The following OPCML variants were observed in gnomAD, a reference collection of about 807,000 sequenced individuals.
OPCML encodes opioid-binding protein/cell adhesion molecule.
A neutral mutation model predicts 37.8 loss-of-function variants in OPCML; 13 were observed. The ratio of observed to expected loss-of-function variants is 0.34; its 90% CI spans 0.22 to 0.55. OPCML has a LOEUF of 0.55. Among genes scored for constraint, OPCML ranks in the 20% least tolerant of loss-of-function variants. The probability of loss-of-function intolerance (pLI) is 0.91; values close to 1 mark genes in which losing one functional copy is unlikely to be tolerated. For synonymous variants in OPCML, 176 were observed against 168.8 expected (o/e 1.04, Z -0.33); for missense variants, 341 against 435.6 (o/e 0.78, Z 1.93).
intron 2 of OPCML, among the ~76,000 whole-genome samples, chr11:132,819,212 C>T (rs937755055): frequency 6.6e-6 from 1 of 151,640 alleles, no homozygotes; most frequent in African/African-American, 2.4e-5. Flanking sequence ...TATGCAATGT[C>T]TGGTATGTAC....
intron 1 of OPCML, among the ~76,000 whole-genome samples, chr11:133,081,862 C>A (rs1019878733): frequency 9.2e-5 from 14 of 152,072 alleles, no homozygotes; most frequent in African/African-American, 2.4e-4. Flanking sequence ...CATACAGCCC[C>A]CACCCTTCTC....
chr11:132,825,588 A>T (rs1339767765), intron 2 of OPCML, among the ~76,000 whole-genome samples: 1 of 152,220 alleles, frequency 6.6e-6, no homozygotes, highest in Non-Finnish European at 1.5e-5. Flanking sequence ...TAAGACATTC[A>T]ATAAATGGCC....
At chr11:133,231,165 A>T (rs772363830) in intron 1 of OPCML, among the ~76,000 whole-genome samples, 11 of 152,152 alleles carry the variant, frequency 7.2e-5, no homozygotes, top group Non-Finnish European at 1.6e-4. Context: ...TCAAATGGAG[A>T]TTTCATTGAA....
intron 3 of OPCML, among the ~76,000 whole-genome samples, chr11:132,614,655 G>C (rs923257787): frequency 6.6e-6 from 1 of 152,172 alleles, no homozygotes; most frequent in Non-Finnish European, 1.5e-5. Flanking sequence ...CTCTCTAGTT[G>C]AAATGAGGAG....
intron 2 of OPCML, among the ~76,000 whole-genome samples, chr11:132,798,632 A>G (rs908008600): frequency 1.1e-4 from 16 of 152,196 alleles, no homozygotes; most frequent in African/African-American, 3.9e-4. Context: ...ACCCCTCAAG[A>G]GTTGGAATAG....
intron 7 of OPCML, among the ~76,000 whole-genome samples, chr11:132,427,443 C>T (rs2095981404): frequency 6.6e-6 from 1 of 152,180 alleles, no homozygotes; most frequent in Non-Finnish European, 1.5e-5. Context: ...CACTTCCCTT[C>T]AAAGGGAACT....
At chr11:132,847,875 C>T (rs1289561269) in intron 2 of OPCML, among the ~76,000 whole-genome samples, 1 of 152,110 alleles carries the variant, frequency 6.6e-6, no homozygotes, top group African/African-American at 2.4e-5. Flanking sequence ...ACATAAGCAC[C>T]AGATGCTTCA....
intron 1 of OPCML, among the ~76,000 whole-genome samples, chr11:133,012,950 C>G (rs1034199170): frequency 3.9e-5 from 6 of 152,086 alleles, no homozygotes; most frequent in Non-Finnish European, 7.4e-5. Flanking sequence ...GCATTCTACT[C>G]AGACTTTCAA....
chr11:132,596,285 C>A (rs2137741112), intron 3 of OPCML, among the ~76,000 whole-genome samples: 1 of 152,232 alleles, frequency 6.6e-6, no homozygotes, highest in Non-Finnish European at 1.5e-5. Context: ...GCCTAAGAGG[C>A]CAGATGGGTT....
At chr11:133,035,871 A>C (rs913554337) in intron 1 of OPCML, among the ~76,000 whole-genome samples, 1 of 152,142 alleles carries the variant, frequency 6.6e-6, no homozygotes, top group Admixed American at 6.5e-5. Context: ...CCATGGGCGC[A>C]GCGGCACAGA....
At chr11:132,787,637 C>T (rs549047541) in intron 2 of OPCML, among the ~76,000 whole-genome samples, 90 of 152,214 alleles carry the variant, frequency 5.9e-4, no homozygotes, top group African/African-American at 2.0e-3. Flanking sequence ...TTATTATATG[C>T]CCATTTAGAG....
intron 3 of OPCML, among the ~76,000 whole-genome samples, chr11:132,588,007 G>A (rs1195175051): frequency 6.6e-6 from 1 of 152,030 alleles, no homozygotes; most frequent in Non-Finnish European, 1.5e-5. Context: ...CTCCCCTTGG[G>A]GATACAGAAT....
chr11:132,619,428 G>A (rs1198597082), intron 3 of OPCML, among the ~76,000 whole-genome samples: 1 of 152,118 alleles, frequency 6.6e-6, no homozygotes, highest in African/African-American at 2.4e-5. Flanking sequence ...GTGTATGGTA[G>A]GCATTTGATG....
chr11:133,059,235 C>T (rs769334525), intron 1 of OPCML, among the ~76,000 whole-genome samples: 1 of 152,176 alleles, frequency 6.6e-6, no homozygotes, highest in African/African-American at 2.4e-5. Flanking sequence ...TCAAGGAAGA[C>T]ATCTAAAGGG....
chr11:132,984,591 T>C (rs1309106049), intron 1 of OPCML, among the ~76,000 whole-genome samples: 1 of 152,204 alleles, frequency 6.6e-6, no homozygotes, highest in Non-Finnish European at 1.5e-5. Flanking sequence ...CAGCCACAGC[T>C]GTAACTCTGA....
chr11:133,024,776 T>G, intron 1 of OPCML: 1 of 983,950 alleles, frequency 1.0e-6, no homozygotes, highest in Non-Finnish European at 1.2e-6. Flanking sequence ...TGTGGAAGAC[T>G]TGGAGTGTAA....
At chr11:133,442,819 T>C (rs1388617223) in intron 1 of OPCML, among the ~76,000 whole-genome samples, 2 of 151,902 alleles carry the variant, frequency 1.3e-5, no homozygotes, top group African/African-American at 4.8e-5. Flanking sequence ...TATGAGTTTA[T>C]GTGTAATCAT....
intron 2 of OPCML, among the ~76,000 whole-genome samples, chr11:132,736,822 C>G (rs943977411): frequency 6.6e-6 from 1 of 152,170 alleles, no homozygotes; most frequent in Non-Finnish European, 1.5e-5. Context: ...TCCTGAGACT[C>G]AGAGCTGGGA....
chr11:133,457,023 T>C (rs900927579), intron 1 of OPCML, among the ~76,000 whole-genome samples: 2 of 152,086 alleles, frequency 1.3e-5, no homozygotes, highest in African/African-American at 2.4e-5. Context: ...GAAGTCTAAG[T>C]AGGATTAACC....
Sources: gnomAD v4.1 joint callset for allele counts (sites outside exome capture counted in the v4.1 genomes callset) on GRCh38, gnomAD v4.1.1 for gene constraint, MANE v1.5 for transcripts, NCBI Gene and HGNC (gene_info 2026-07-23, HGNC 2026-07-21) for gene names.